The following FNIP1 variants were observed in gnomAD, a reference collection of about 807,000 sequenced individuals.
The protein encoded by FNIP1 is folliculin-interacting protein 1.
In FNIP1, 40 loss-of-function variants were observed where a neutral mutation model predicts 124.5. The ratio of observed to expected loss-of-function variants is 0.32; its 90% CI spans 0.25 to 0.42. The LOEUF is 0.42. FNIP1 is among the 10% of genes least tolerant of loss of function. The pLI is 1.00. For synonymous variants in FNIP1, 472 were observed against 470.6 expected, an observed-to-expected ratio of 1.00 and a Z score of -0.04; for missense variants, 1,176 against 1,403.7, an observed-to-expected ratio of 0.84 and a Z score of 2.59.
chr5:131,721,138 A>G (rs1475578094), intron 3 of FNIP1, among the ~76,000 whole-genome samples: 1 of 152,230 alleles, frequency 6.6e-6, no homozygotes, highest in Non-Finnish European at 1.5e-5. Flanking sequence ...AGAATGAAAC[A>G]CTATTCAGTT....
intron 2 of FNIP1, among the ~76,000 whole-genome samples, chr5:131,732,611 G>C (rs994238371): frequency 1.4e-4 from 21 of 152,112 alleles, no homozygotes; most frequent in African/African-American, 3.9e-4. Flanking sequence ...GCTTGTTTTT[G>C]TCAGGTTTGT....
intron 11 of FNIP1, among the ~76,000 whole-genome samples, chr5:131,685,684 C>T (rs1009684381): frequency 3.6e-4 from 55 of 152,128 alleles, no homozygotes; most frequent in African/African-American, 1.3e-3. Flanking sequence ...AAACTCCTGA[C>T]CTCAGATGTT....
chr5:131,796,748 G>C, intron 1 of FNIP1, 82 bp downstream of exon 1: 1 of 1,333,642 alleles, frequency 7.5e-7, no homozygotes, highest in Non-Finnish European at 1.0e-6. Flanking sequence ...GCTCGGGTCG[G>C]AACACCGAAG....
At chr5:131,793,318 A>C (rs1772471866) in intron 1 of FNIP1, among the ~76,000 whole-genome samples, 1 of 152,186 alleles carries the variant, frequency 6.6e-6, no homozygotes, top group African/African-American at 2.4e-5. Flanking sequence ...TACAAGTATA[A>C]GCCACCAAAC....
At chr5:131,788,582 TC>T (rs1174309873) in intron 1 of FNIP1, among the ~76,000 whole-genome samples, 1 of 151,172 alleles carries the variant, frequency 6.6e-6, no homozygotes, top group Admixed American at 6.6e-5. Context: ...GTGCCTGTAA[TC>T]CCAGCTACTC....
At chr5:131,693,305 T>TATATATAC (rs70974006) in intron 11 of FNIP1, among the ~76,000 whole-genome samples, 1,094 of 29,536 alleles carry the variant, frequency 0.037, 55 homozygotes, top group African/African-American at 0.054. Flanking sequence ...TACATATATA[T>TATATATAC]ATATATATAT....
At chr5:131,693,333 C>CATATATATATATATATATATACAT (rs1768564827) in intron 11 of FNIP1, among the ~76,000 whole-genome samples, 14 of 50,150 alleles carry the variant, frequency 2.8e-4, no homozygotes, top group African/African-American at 9.5e-4. Flanking sequence ...TATATATATA[C>CATATATATATATATATATATACAT]ATATATATAT....
chr5:131,750,224 G>T (rs1211595690), intron 1 of FNIP1, among the ~76,000 whole-genome samples: 2 of 152,108 alleles, frequency 1.3e-5, no homozygotes, highest in Non-Finnish European at 2.9e-5. Flanking sequence ...CAGCTGAATT[G>T]ATCTAAGCTA....
At chr5:131,652,213 T>C (rs1767060134) in intron 15 of FNIP1, among the ~76,000 whole-genome samples, 2 of 152,260 alleles carry the variant, frequency 1.3e-5, no homozygotes, top group African/African-American at 4.8e-5. Context: ...TTGTATTCAT[T>C]ACAAGGACTT....
At chr5:131,706,615 C>G in intron 8 of FNIP1, 69 bp from the exon 9 acceptor site, 1 of 1,369,508 alleles carries the variant, frequency 7.3e-7, no homozygotes, top group Non-Finnish European at 9.6e-7. Context: ...TTCTTTTTAA[C>G]AAAATTACAA....
At chr5:131,731,336 T>C (rs1269514295) in intron 2 of FNIP1, among the ~76,000 whole-genome samples, 2 of 152,188 alleles carry the variant, frequency 1.3e-5, no homozygotes, top group East Asian at 3.8e-4. Flanking sequence ...TATATTGCAG[T>C]AGTTTTCAAA....
chr5:131,687,350 C>T (rs1255556539), intron 11 of FNIP1, among the ~76,000 whole-genome samples: 3 of 152,158 alleles, frequency 2.0e-5, no homozygotes, highest in African/African-American at 7.2e-5. Context: ...AAATGATCCA[C>T]CTACCTTGGC....
chr5:131,699,769 A>C (rs530873644), intron 10 of FNIP1, among the ~76,000 whole-genome samples: 1 of 151,902 alleles, frequency 6.6e-6, no homozygotes, highest in Admixed American at 6.5e-5. Context: ...CATGAAAATT[A>C]GCCAGGTGTG....
chr5:131,683,373 C>T (rs1768153217), intron 11 of FNIP1, among the ~76,000 whole-genome samples: 1 of 151,596 alleles, frequency 6.6e-6, no homozygotes, highest in African/African-American at 2.4e-5. Context: ...ACGGAGAAAC[C>T]CTGTCGCTAC....
Position 131,643,337 on chromosome 5 carries a change from CT to C in FNIP1, c.*1347del, listed in dbSNP as rs1165836427. 3 of 152,532 alleles carry C rather than the reference CT, an allele frequency of 2.0e-5. No homozygotes were observed. Among genetic ancestry groups the C allele is most frequent in the African/African-American group, 4.8e-5 (2 of 41,388 alleles). 9.4% of individuals were successfully genotyped at this position (152,532 alleles called of 1,614,324 possible). ...AATAACTGAATAAACAAGTGGTTTTCTTTTTTTAATCAATGATGAAATTATG... is the reference window on the plus strand; with the variant it reads ...AATAACTGAATAAACAAGTGGTTTTCTTTTTTAATCAATGATGAAATTATG... On this transcript the variant is annotated 3_prime_UTR_variant, in exon 18 of 18. Transcript: ENST00000510461.
In FNIP1 at chr5:131,677,771, T is replaced by A. The variant is rs1413307989; in HGVS notation, c.1451A>T (p.Lys484Met). 6.2e-7 allele frequency: 1 copy of A among 1,614,162 alleles called. No individual in the cohort carries two copies. The change falls in exon 13 of 18, where the codon AAG becomes ATG. Residue 484 changes from lysine to methionine, a missense_variant. Coordinates refer to ENST00000510461, the MANE Select transcript of FNIP1 (RefSeq NM_133372.3). ...CATGTCCACACTCTGAGAGGAATGCTTTTCTAAAAATATTTTTATAGGTGG... is the reference window on the plus strand; with the variant it reads ...CATGTCCACACTCTGAGAGGAATGCATTTCTAAAAATATTTTTATAGGTGG... ...GQPPIKIFLE[K>M]HSSQSVDMLA... is the part of the protein sequence containing the mutation.
intron 1 of FNIP1, among the ~76,000 whole-genome samples, chr5:131,767,647 C>G (rs1268730427): frequency 6.6e-6 from 1 of 151,990 alleles, no homozygotes; most frequent in Non-Finnish European, 1.5e-5. Context: ...AAACTTCAAC[C>G]ACTTTGCTAA....
intron 11 of FNIP1, among the ~76,000 whole-genome samples, chr5:131,694,751 G>C (rs747021427): frequency 6.6e-5 from 10 of 152,072 alleles, no homozygotes; most frequent in Non-Finnish European, 1.2e-4. Flanking sequence ...TCTTTGGTTA[G>C]TAATAATGTA....
chr5:131,697,693 C>G (rs1768748491), intron 11 of FNIP1, among the ~76,000 whole-genome samples: 1 of 151,858 alleles, frequency 6.6e-6, no homozygotes, highest in Non-Finnish European at 1.5e-5. Flanking sequence ...AGGCCAGGCT[C>G]AGTGGCTCAT....
Sources: allele counts gnomAD v4.1 joint callset (sites outside exome capture counted in the v4.1 genomes callset), GRCh38; gene constraint gnomAD v4.1.1; transcripts MANE v1.5; gene names NCBI Gene and HGNC (gene_info 2026-07-23, HGNC 2026-07-21).